SMUG1: variants seen among roughly 807,000 people sequenced by gnomAD.
SMUG1 encodes single-strand selective monofunctional uracil DNA glycosylase.
In SMUG1, 13 loss-of-function variants were observed where a neutral mutation model predicts 23.9. The observed-to-expected ratio is 0.54, with a 90% confidence interval of 0.35 to 0.86. The LOEUF (loss-of-function observed/expected upper bound fraction) is 0.86, where lower values mean the gene tolerates loss of function less well. SMUG1 is among the 40% of genes least tolerant of loss of function. The probability of loss-of-function intolerance (pLI) is 0.01; values close to 1 mark genes in which losing one functional copy is unlikely to be tolerated. For synonymous variants in SMUG1, 133 were observed against 139.8 expected, an observed-to-expected ratio of 0.95 and a Z score of 0.34; for missense variants, 313 against 339.5, an observed-to-expected ratio of 0.92 and a Z score of 0.61.
At chr12:54,182,673 C>G (rs1941387715) in intron 3 of SMUG1, 50 bp from the exon 4 acceptor site, 3 of 1,557,390 alleles carry the variant, frequency 1.9e-6, no homozygotes, top group Non-Finnish European at 2.6e-6. Context: ...AGACCTGAGG[C>G]CCGGGCTCTG....
intron 3 of SMUG1, among the ~76,000 whole-genome samples, chr12:54,167,662 A>AGAACCACACT (rs1940514074): frequency 6.6e-6 from 1 of 152,188 alleles, no homozygotes; most frequent in East Asian, 1.9e-4. Context: ...TCCTTAATGC[A>AGAACCACACT]GAACCACACT....
Position 54,183,915 on chromosome 12 carries a change from G to T in SMUG1, c.26C>A (p.Ser9Tyr). Residue 9 changes from serine (S) to tyrosine (Y), a missense_variant, in exon 3 of 4, where the codon TCC (serine) becomes TAC (tyrosine). By Grantham distance (144) the Ser-to-Tyr change is moderately radical. Transcript: ENST00000682136. Reference protein sequence around the residue: MPQAFLLGSIHEPAGALME... With the variant: MPQAFLLGYIHEPAGALME... ...GAGGGCACCTGCAGGCTCATGGATG[G>T]ACCCCAGCAGGAAAGCCTGGGGCAT... is the stretch of plus-strand genomic sequence containing the variant. 6.3e-7 allele frequency: 1 copy of T among 1,587,392 alleles called. No homozygotes were observed. Among genetic ancestry groups the T allele is most frequent in the South Asian group, 1.1e-5 (1 of 88,372 alleles).
intron 2 of SMUG1, among the ~76,000 whole-genome samples, chr12:54,174,095 G>C (rs56047332): frequency 5.9e-5 from 9 of 152,140 alleles, no homozygotes; most frequent in Middle Eastern, 3.2e-3. Context: ...TTGCAAAGCA[G>C]CGCTACCAAA....
At chr12:54,162,373 G>A (rs891526712), downstream of SMUG1, 12 of 152,144 alleles carry the variant, frequency 7.9e-5, no homozygotes, top group Non-Finnish European at 1.3e-4. Flanking sequence ...CCTACTTTTT[G>A]GAGGTTTCAC....
intron 4 of SMUG1, among the ~76,000 whole-genome samples, chr12:54,159,445 G>A (rs1211427878): frequency 6.6e-6 from 1 of 152,084 alleles, no homozygotes; most frequent in East Asian, 1.9e-4. Flanking sequence ...ATGACCTTGT[G>A]GGGACTTCAG....
rs59918785 is a variant in SMUG1, at chr12:54,180,987, C to CAAAAAA, written c.*1103_*1108dup. The CAAAAAA allele has an allele frequency of 9.6e-6, 1 of 103,834 alleles. No individual in the cohort carries two copies. Among genetic ancestry groups the CAAAAAA allele is most frequent in the East Asian group, 2.7e-4 (1 of 3,748 alleles). The allele number at this position is 103,834 out of a possible 1,614,324, so 6.4% of individuals were successfully genotyped here. A position where few individuals can be genotyped will look rare whatever the true frequency, so the allele number is the denominator to read the frequency against. On this transcript the variant is annotated 3_prime_UTR_variant, in exon 4 of 4. Transcript: ENST00000682136. ...TGGGCAACAGCATGAGACTCCATCT[C>CAAAAAA]AAAAAAAAAAAAAAAAGAGAGATCT...
In SMUG1 at chr12:54,180,646, A is replaced by G. The variant is rs1356260551; in HGVS notation, c.*1450T>C. 1 of 152,190 alleles carries G rather than the reference A, an allele frequency of 6.6e-6. No homozygotes were observed. The highest frequency in any genetic ancestry group is 2.4e-5 in the African/African-American group (1 of 41,432). 9.4% of individuals were successfully genotyped at this position (152,190 alleles called of 1,614,324 possible). A position where few individuals can be genotyped will look rare whatever the true frequency, so the allele number is the denominator to read the frequency against. ...CCATCACCTGTTTCTCACGGTGTCC[A>G]GAGTATCATATAAGACCCCTAACAG... On this transcript the variant is annotated 3_prime_UTR_variant, in exon 4 of 4. Transcript: ENST00000682136.
In SMUG1 at chr12:54,185,467, CAAAAAAAAATAAAAT is replaced by C. The variant is rs1296468980; in HGVS notation, c.-19-1523_-19-1509del. Among the ~76,000 whole-genome samples the C allele has an allele frequency of 2.0e-4, 17 of 84,852 alleles. 2 individuals carry two copies. Among genetic ancestry groups the C allele is most frequent in the African/African-American group, 6.2e-4 (16 of 25,726 alleles). 55.7% of individuals were successfully genotyped at this position (84,852 alleles called of 152,430 possible). The stretch of plus-strand genomic sequence containing the variant: ...TGGGCAAAAGAGCAAGACTCCATCT[CAAAAAAAAATAAAAT>C]AAAAAATAAATAAATAAATAAATAA... On this transcript the variant is annotated intron_variant, in intron 2 of 3. Coordinates refer to ENST00000682136, the MANE Select transcript of SMUG1 (RefSeq NM_001243787.2).
At chr12:54,186,688 G>C (rs1425815856) in intron 2 of SMUG1, among the ~76,000 whole-genome samples, 1 of 152,072 alleles carries the variant, frequency 6.6e-6, no homozygotes, top group Non-Finnish European at 1.5e-5. Flanking sequence ...CTGATGGTTG[G>C]TGAAGGCTGA....
chr12:54,167,266 T>C (rs1387458822), intron 3 of SMUG1, among the ~76,000 whole-genome samples: 1 of 152,258 alleles, frequency 6.6e-6, no homozygotes, highest in African/African-American at 2.4e-5. Context: ...CAGGGGCTTC[T>C]AGTCTAAAAC....
intron 4 of SMUG1, among the ~76,000 whole-genome samples, chr12:54,158,905 A>C (rs547600093): frequency 1.5e-3 from 233 of 152,342 alleles, no homozygotes; most frequent in African/African-American, 5.3e-3. Flanking sequence ...CCTGGCTGCC[A>C]GGAAGTTTGC....
rs181543970 is a variant in SMUG1 at position 54,168,818 on chromosome 12, A to G, written c.*52+3207T>C. ...GATGAGGGATGCTTTCCTCTCCCCA[A>G]TCCAAAGACAGAGAATCAGTCAGTG... On this transcript the variant is annotated intron_variant and NMD_transcript_variant, in intron 3 of 4. Transcript: ENST00000509864. Among the ~76,000 whole-genome samples the G allele has an allele frequency of 2.6e-5, 4 of 152,306 alleles. No homozygotes were observed. In the East Asian group the frequency reaches 5.8e-4, roughly 22 times the overall value.
chr12:54,165,321 T>A (rs1940418013), intron 4 of SMUG1: 2 of 152,156 alleles, frequency 1.3e-5, no homozygotes, highest in African/African-American at 4.8e-5. Flanking sequence ...TACAACAATG[T>A]CTTCAGAGCA....
chr12:54,167,071 C>T (rs944343379), intron 3 of SMUG1, among the ~76,000 whole-genome samples: 1 of 152,126 alleles, frequency 6.6e-6, no homozygotes, highest in African/African-American at 2.4e-5. Context: ...TCAGGAGACA[C>T]TGGAATTGCC....
Position 54,183,969 on chromosome 12 carries a change from G to T in SMUG1, c.-19-10C>A. The T allele has an allele frequency of 6.7e-7, 1 of 1,483,938 alleles. No individual in the cohort carries two copies. 91.9% of individuals were successfully genotyped at this position (1,483,938 alleles called of 1,614,324 possible). A position where few individuals can be genotyped will look rare whatever the true frequency, so the allele number is the denominator to read the frequency against. On this transcript the variant is annotated splice_polypyrimidine_tract_variant and intron_variant, in intron 2 of 3. Coordinates refer to ENST00000682136, the MANE Select transcript of SMUG1 (RefSeq NM_001243787.2). ...TCCATGCCGCTGTCACCTGGGAAAAGAGATGGACAGAAGCCCCATCAACCC... is the reference window on the plus strand; with the variant it reads ...TCCATGCCGCTGTCACCTGGGAAAATAGATGGACAGAAGCCCCATCAACCC...
chr12:54,176,508 C>CCCCCCG (rs1565805474), downstream of SMUG1, among the ~76,000 whole-genome samples: 9 of 36,258 alleles, frequency 2.5e-4, 1 homozygote, highest in Non-Finnish European at 3.3e-4. Flanking sequence ...AAGATCCTGT[C>CCCCCCG]CCCCCCCAAA....
At chr12:54,177,550 G>A (rs556629962), downstream of SMUG1, among the ~76,000 whole-genome samples, 2 of 151,928 alleles carry the variant, frequency 1.3e-5, no homozygotes, top group Non-Finnish European at 1.5e-5. Context: ...CTACTGTATT[G>A]GTCTACAAAA....
chr12:54,168,046 G>T (rs1940526440), intron 3 of SMUG1, among the ~76,000 whole-genome samples: 1 of 152,110 alleles, frequency 6.6e-6, no homozygotes, highest in South Asian at 2.1e-4. Flanking sequence ...GGCCAATCAG[G>T]GACATGGAGA....
rs1296885820 is a variant in SMUG1, at chr12:54,182,194, G to A, written c.715C>T (p.His239Tyr). The A allele has an allele frequency of 6.2e-7, 1 of 1,611,340 alleles. No individual in the cohort carries two copies. The highest frequency in any genetic ancestry group is 8.5e-7 in the Non-Finnish European group (1 of 1,178,212). Residue 239 changes from histidine (H) to tyrosine (Y), a missense_variant, in exon 4 of 4, where the codon CAT becomes TAT. By Grantham distance (83) the His-to-Tyr change is moderately conservative (BLOSUM62 2). Transcript: ENST00000682136. ...MPEVQVEGLLHPSPRNPQANK... is the reference protein window; with the variant it reads ...MPEVQVEGLLYPSPRNPQANK... Reference sequence around the variant, plus strand: ...GCCTGTGGGTTACGGGGAGAGGGATGCAGGAGCCCTTCCACCTGGACCTCT... The same window carrying A: ...GCCTGTGGGTTACGGGGAGAGGGATACAGGAGCCCTTCCACCTGGACCTCT...
Sources: allele counts gnomAD v4.1 joint callset (sites outside exome capture counted in the v4.1 genomes callset), GRCh38; gene constraint gnomAD v4.1.1; transcripts MANE v1.5; gene names NCBI Gene and HGNC (gene_info 2026-07-23, HGNC 2026-07-21).